EMSY: variants seen among roughly 807,000 people sequenced by gnomAD.
The protein encoded by EMSY is EMSY transcriptional repressor, BRCA2 interacting.
In EMSY, 26 loss-of-function variants were observed where a neutral mutation model predicts 134.6. The ratio of observed to expected loss-of-function variants is 0.19; its 90% confidence interval spans 0.14 to 0.27. EMSY has a LOEUF of 0.27. Ranked by LOEUF, EMSY falls within the 10% of genes least tolerant of loss-of-function variation. The pLI is 1.00. For missense variants in EMSY, 1,305 were observed against 1,611.4 expected, an observed-to-expected ratio of 0.81 and a Z score of 3.26; for synonymous variants, 579 against 577.8, an observed-to-expected ratio of 1.00 and a Z score of -0.03.
At chr11:76,502,530 T>TAA (rs199726574) in intron 9 of EMSY, among the ~76,000 whole-genome samples, 1 of 143,018 alleles carries the variant, frequency 7.0e-6, no homozygotes, top group East Asian at 2.0e-4. Context: ...TTTATATTAT[T>TAA]AAAAAAAAAC....
intron 18 of EMSY, among the ~76,000 whole-genome samples, chr11:76,542,720 G>A (rs1416577080): frequency 6.7e-6 from 1 of 149,312 alleles, no homozygotes; most frequent in East Asian, 2.0e-4. Flanking sequence ...TTAGCTGTTT[G>A]CTGCTGGGTT....
At position 76,528,493 on chromosome 11, in the gene EMSY, T is replaced by C. The variant is rs200844953; in HGVS notation, c.2194+27T>C. The C allele has an allele frequency of 4.8e-5, 74 of 1,545,486 alleles. No homozygotes were observed. The East Asian group carries it at 1.6e-3, about 34-fold the overall frequency. Reference sequence around the variant, plus strand: ...TAAGATCTATTTTACTTCTGATTTATATAAGTACTACTGACATAGTGCCCA... The same window carrying C: ...TAAGATCTATTTTACTTCTGATTTACATAAGTACTACTGACATAGTGCCCA... On this transcript the variant is annotated intron_variant, in intron 14 of 20. Transcript: ENST00000334736.
chr11:76,477,956 A>G (rs935056600), intron 8 of EMSY, among the ~76,000 whole-genome samples: 4 of 152,132 alleles, frequency 2.6e-5, no homozygotes, highest in Non-Finnish European at 5.9e-5. Flanking sequence ...TATTTACCCA[A>G]TGTTGTGACA....
At chr11:76,515,072 GT>G (rs200970007) in intron 10 of EMSY, among the ~76,000 whole-genome samples, 2,602 of 128,748 alleles carry the variant, frequency 0.02, 36 homozygotes, top group East Asian at 0.072. Context: ...AGTTTTGTGG[GT>G]TTTTTTTTTT....
intron 4 of EMSY, among the ~76,000 whole-genome samples, chr11:76,455,797 T>TAAC (rs1947847972): frequency 6.6e-6 from 1 of 152,226 alleles, no homozygotes; most frequent in African/African-American, 2.4e-5. Context: ...GTTACAGTAT[T>TAAC]AACGCCTTGG....
intron 9 of EMSY, among the ~76,000 whole-genome samples, chr11:76,510,650 T>C (rs1003828146): frequency 1.3e-5 from 2 of 152,168 alleles, no homozygotes; most frequent in Non-Finnish European, 2.9e-5. Context: ...AAGGTAGAGC[T>C]TTGTCCACAA....
intron 4 of EMSY, chr11:76,453,963 G>A (rs1165384284): frequency 6.6e-6 from 1 of 152,146 alleles, no homozygotes; most frequent in Non-Finnish European, 1.5e-5. Context: ...TATTTAAGAG[G>A]AGGGGTGGAG....
chr11:76,462,353 A>G (rs111599323), intron 6 of EMSY, among the ~76,000 whole-genome samples: 1,565 of 152,370 alleles, frequency 0.01, 19 homozygotes, highest in African/African-American at 0.034. Flanking sequence ...CTTTATGCTC[A>G]GAAGTCATAC....
At chr11:76,477,242 G>A (rs564584088) in intron 8 of EMSY, among the ~76,000 whole-genome samples, 1 of 149,376 alleles carries the variant, frequency 6.7e-6, no homozygotes, top group East Asian at 1.9e-4. Context: ...TTTCTCTGTA[G>A]TCAAGCATTA....
At chr11:76,551,795 T>C (rs995161300), downstream of EMSY, 1 of 152,222 alleles carries the variant, frequency 6.6e-6, no homozygotes, top group Non-Finnish European at 1.5e-5. Context: ...TAAATACATG[T>C]TAGACTTTGC....
intron 7 of EMSY, among the ~76,000 whole-genome samples, chr11:76,468,704 A>G (rs552148568): frequency 2.0e-5 from 3 of 152,228 alleles, no homozygotes; most frequent in Non-Finnish European, 4.4e-5. Context: ...AATAGGTAAT[A>G]TATTTTCAGG....
intron 6 of EMSY, 23 bp from the exon 8 acceptor site, chr11:76,463,798 G>A (rs1200408836): frequency 1.2e-6 from 2 of 1,613,144 alleles, no homozygotes. Context: ...TATACATATA[G>A]CAGTATTGTC....
At chr11:76,550,882 C>G (rs565606055) in exon 21 of EMSY, 1 of 152,446 alleles carries the variant, frequency 6.6e-6, no homozygotes, top group African/African-American at 2.4e-5. Context: ...GGATTGCCTA[C>G]GCTTTCCACT....
At position 76,446,349 on chromosome 11, in the gene EMSY, G is replaced by GTATATATATATGTATATATATGTGTA. The variant is rs1555036519; in HGVS notation, c.-39-540_-39-539insGTATATATATGTGTATATATATATAT. Among the ~76,000 whole-genome samples the GTATATATATATGTATATATATGTGTA allele has an allele frequency of 9.0e-4, 117 of 130,382 alleles. 1 individual carries two copies. Among genetic ancestry groups the GTATATATATATGTATATATATGTGTA allele is most frequent in the African/African-American group, 2.9e-3 (94 of 32,346 alleles). The allele number at this position is 130,382 out of a possible 152,430, so 85.5% of individuals were successfully genotyped here. On this transcript the variant is annotated intron_variant, in intron 1 of 20. Transcript: ENST00000334736. ...TATATATATATGTATATATATATGTGTATATATATATATGTATGTATCGTT... is the reference window on the plus strand; with the variant it reads ...TATATATATATGTATATATATATGTGTATATATATATGTATATATATGTGTATATATATATATATGTATGTATCGTT...
chr11:76,540,310 ATAT>A (rs1451671138), intron 17 of EMSY, among the ~76,000 whole-genome samples: 2 of 152,136 alleles, frequency 1.3e-5, no homozygotes, highest in African/African-American at 4.8e-5. Flanking sequence ...CTTAATTTTA[ATAT>A]TATTATAATT....
intron 14 of EMSY, among the ~76,000 whole-genome samples, chr11:76,530,142 T>A (rs556494561): frequency 6.6e-6 from 1 of 150,676 alleles, no homozygotes; most frequent in South Asian, 2.1e-4. Flanking sequence ...ATTTCATTAG[T>A]TGAATCTTTA....
chr11:76,506,137 T>C (rs1443234851), intron 9 of EMSY, among the ~76,000 whole-genome samples: 2 of 151,860 alleles, frequency 1.3e-5, no homozygotes, highest in East Asian at 1.9e-4. Flanking sequence ...ATAAATAAAA[T>C]TTAAATATAA....
intron 4 of EMSY, among the ~76,000 whole-genome samples, chr11:76,457,384 A>T (rs1347213709): frequency 6.6e-6 from 1 of 152,214 alleles, no homozygotes; most frequent in South Asian, 2.1e-4. Context: ...AAGAGAAGTG[A>T]TACAACTACG....
At chr11:76,525,768 G>A (rs1357534845) in intron 12 of EMSY, among the ~76,000 whole-genome samples, 1 of 152,018 alleles carries the variant, frequency 6.6e-6, no homozygotes, top group Non-Finnish European at 1.5e-5. Flanking sequence ...GAAGCACTCT[G>A]AGTTTTCCCT....
Sources: gnomAD v4.1 joint callset for allele counts (sites outside exome capture counted in the v4.1 genomes callset) on GRCh38, gnomAD v4.1.1 for gene constraint, MANE v1.5 for transcripts, NCBI Gene and HGNC (gene_info 2026-07-23, HGNC 2026-07-21) for gene names.